The following PROCR variants were observed in gnomAD, a reference collection of about 807,000 sequenced individuals.
PROCR encodes endothelial protein C receptor.
A neutral mutation model predicts 24.2 loss-of-function variants in PROCR; 22 were observed. The observed-to-expected ratio is 0.91, with a 90% CI of 0.65 to 1.30. The LOEUF is 1.30. Among genes scored for constraint, PROCR ranks in the 50% most tolerant of loss-of-function variants. The pLI is 0.00. For missense variants in PROCR, 288 were observed against 307.7 expected, an observed-to-expected ratio of 0.94 and a Z score of 0.48; for synonymous variants, 137 against 139.2, an observed-to-expected ratio of 0.98 and a Z score of 0.11.
intron 1 of PROCR, among the ~76,000 whole-genome samples, chr20:35,182,415 G>T (rs2086085549): frequency 6.6e-6 from 1 of 151,838 alleles, no homozygotes; most frequent in Non-Finnish European, 1.5e-5. Flanking sequence ...CAGAACAAAA[G>T]AAAAATAAAA....
chr20:35,204,358 CTCCCTCCT>C (rs2060329845), intron 1 of PROCR, among the ~76,000 whole-genome samples: 1 of 147,890 alleles, frequency 6.8e-6, no homozygotes, highest in African/African-American at 2.5e-5. Flanking sequence ...TCCTCCCTCC[CTCCCTCCT>C]TCCCTCCCTC....
chr20:35,181,882 C>T (rs1211851723), downstream of PROCR, among the ~76,000 whole-genome samples: 1 of 152,164 alleles, frequency 6.6e-6, no homozygotes, highest in Non-Finnish European at 1.5e-5. Context: ...GATAATCAAG[C>T]TCAGAAAGTA....
intron 1 of PROCR, among the ~76,000 whole-genome samples, chr20:35,205,197 C>T (rs73616634): frequency 0.013 from 1,953 of 150,448 alleles, 39 homozygotes; most frequent in African/African-American, 0.045. Flanking sequence ...TGCTTGAACC[C>T]GGGAGGTGGA....
downstream of PROCR, among the ~76,000 whole-genome samples, chr20:35,178,665 G>A (rs1425699963): frequency 1.0e-4 from 14 of 134,738 alleles, no homozygotes; most frequent in East Asian, 2.2e-4. Context: ...ACAGGCGCCC[G>A]CCACTACGCC....
chr20:35,176,311 G>C lies in PROCR; in HGVS notation c.466G>C (p.Val156Leu). ...ERALWQADTQ[V>L]TSGVVTFTLQ... ...AGCCTTGTGGCAGGCAGACACCCAG[G>C]TCACCTCCGGAGTGGTCACCTTCAC... is the stretch of plus-strand genomic sequence containing the variant. Residue 156 changes from valine (V) to leucine (L), a missense_variant, in exon 3 of 4, where the codon GTC (valine) becomes CTC (leucine). By Grantham distance (32) the Val-to-Leu change is conservative. Coordinates refer to ENST00000216968, the MANE Select transcript of PROCR (RefSeq NM_006404.5). 5.6e-6 allele frequency: 9 copies of C among 1,614,216 alleles called. No homozygotes were observed. Among genetic ancestry groups the C allele is most frequent in the Non-Finnish European group, 7.6e-6 (9 of 1,180,044 alleles).
At chr20:35,207,291 A>C (rs201650523) in intron 1 of PROCR, among the ~76,000 whole-genome samples, 3 of 151,994 alleles carry the variant, frequency 2.0e-5, no homozygotes, top group East Asian at 3.9e-4. Flanking sequence ...AATTCTTTGC[A>C]TTTGTCAAAA....
At chr20:35,173,852 T>C (rs998688765) in intron 1 of PROCR, among the ~76,000 whole-genome samples, 2 of 152,182 alleles carry the variant, frequency 1.3e-5, no homozygotes, top group Admixed American at 6.6e-5. Flanking sequence ...TAGTTTGATA[T>C]ATAAGCAGCG....
intron 1 of PROCR, among the ~76,000 whole-genome samples, chr20:35,203,938 A>C (rs1223618564): frequency 6.6e-6 from 1 of 152,116 alleles, no homozygotes; most frequent in Non-Finnish European, 1.5e-5. Flanking sequence ...AGAAAAGCAG[A>C]ATTCAATGAA....
intron 1 of PROCR, chr20:35,202,681 C>G (rs924769344): frequency 2.0e-5 from 3 of 151,576 alleles, no homozygotes; most frequent in Non-Finnish European, 4.4e-5. Context: ...ATGCAACTAA[C>G]AAAGATCCAA....
At chr20:35,206,630 G>A (rs983553357) in intron 1 of PROCR, among the ~76,000 whole-genome samples, 5 of 152,040 alleles carry the variant, frequency 3.3e-5, no homozygotes, top group African/African-American at 1.2e-4. Context: ...TTTGTTGGTA[G>A]GGAATTGCAA....
At chr20:35,193,804 T>C (rs2086193562) in intron 1 of PROCR, among the ~76,000 whole-genome samples, 1 of 152,204 alleles carries the variant, frequency 6.6e-6, no homozygotes, top group South Asian at 2.1e-4. Context: ...GGGAAATGTC[T>C]AGGCTGAAGA....
Position 35,177,198 on chromosome 20 carries a change from A to C in PROCR, c.*385A>C. On this transcript the variant is annotated 3_prime_UTR_variant, in exon 4 of 4. Transcript: ENST00000216968. ...AACAAGTCATCCACAATCAAAATAC[A>C]ACATTCAATACTTCCAGGTGTGTCA... 1 of 1,117,878 alleles carries C rather than the reference A, an allele frequency of 8.9e-7. No homozygotes were observed. The highest frequency in any genetic ancestry group is 4.2e-4 in the Middle Eastern group (1 of 2,404). 69.2% of individuals were successfully genotyped at this position (1,117,878 alleles called of 1,614,324 possible).
chr20:35,210,405 GGT>G (rs2060357683), intron 1 of PROCR, among the ~76,000 whole-genome samples: 1 of 151,702 alleles, frequency 6.6e-6, no homozygotes, highest in Non-Finnish European at 1.5e-5. Context: ...AAATTAGGTG[GGT>G]GTGGTGGCAC....
intron 1 of PROCR, among the ~76,000 whole-genome samples, chr20:35,214,405 G>C (rs1453481498): frequency 6.6e-6 from 1 of 152,034 alleles, no homozygotes; most frequent in Non-Finnish European, 1.5e-5. Flanking sequence ...GGCTGCATTG[G>C]GCCGGGCGCG....
At chr20:35,177,953 C>A (rs1245866339), downstream of PROCR, among the ~76,000 whole-genome samples, 1 of 152,026 alleles carries the variant, frequency 6.6e-6, no homozygotes, top group Non-Finnish European at 1.5e-5. Context: ...ACACGATTCA[C>A]CCTGGAAATG....
At chr20:35,171,728 C>G (rs755810581), upstream of PROCR, among the ~76,000 whole-genome samples, 1 of 152,166 alleles carries the variant, frequency 6.6e-6, no homozygotes, top group African/African-American at 2.4e-5. Flanking sequence ...TCAATCTCCC[C>G]ATCAGCAACC....
At chr20:35,189,052 A>C (rs1375547621) in intron 1 of PROCR, among the ~76,000 whole-genome samples, 1 of 152,184 alleles carries the variant, frequency 6.6e-6, no homozygotes, top group African/African-American at 2.4e-5. Context: ...TGTGTGTTTG[A>C]ACAATTTGAA....
chr20:35,198,680 A>G (rs1446901147), intron 1 of PROCR, among the ~76,000 whole-genome samples: 1 of 152,160 alleles, frequency 6.6e-6, no homozygotes, highest in East Asian at 1.9e-4. Flanking sequence ...CCATGTAGGC[A>G]AAACAGTCTT....
chr20:35,209,662 T>A (rs1018800355), intron 1 of PROCR, among the ~76,000 whole-genome samples: 1 of 152,214 alleles, frequency 6.6e-6, no homozygotes, highest in Non-Finnish European at 1.5e-5. Flanking sequence ...ATCAGGAATG[T>A]GCAATGATGC....
Sources: allele counts gnomAD v4.1 joint callset (sites outside exome capture counted in the v4.1 genomes callset), GRCh38; gene constraint gnomAD v4.1.1; transcripts MANE v1.5; gene names NCBI Gene and HGNC (gene_info 2026-07-23, HGNC 2026-07-21).